XRCC5: variants seen among roughly 807,000 people sequenced by gnomAD.
XRCC5 encodes the protein X-ray repair cross complementing 5.
A neutral mutation model predicts 95.7 loss-of-function variants in XRCC5; 12 were observed. That is an observed-to-expected ratio of 0.13 (90% CI 0.08 to 0.20). XRCC5 has a LOEUF of 0.20. Among genes scored for constraint, XRCC5 ranks in the 10% least tolerant of loss-of-function variants. The pLI is 1.00. For synonymous variants in XRCC5, 281 were observed against 290.3 expected, an observed-to-expected ratio of 0.97 and a Z score of 0.33; for missense variants, 595 against 873.9, an observed-to-expected ratio of 0.68 and a Z score of 4.02.
chr2:216,193,988 T>C (rs1689667564), intron 18 of XRCC5, among the ~76,000 whole-genome samples: 1 of 152,222 alleles, frequency 6.6e-6, no homozygotes, highest in Non-Finnish European at 1.5e-5. Context: ...GTGAAGACCA[T>C]GTTTTCTTCC....
chr2:216,155,071 T>A (rs1574469354), intron 14 of XRCC5, among the ~76,000 whole-genome samples: 1 of 147,280 alleles, frequency 6.8e-6, no homozygotes, highest in Non-Finnish European at 1.5e-5. Flanking sequence ...ACAAAAAATA[T>A]AAAAATTAGC....
intron 16 of XRCC5, among the ~76,000 whole-genome samples, chr2:216,183,469 A>G (rs958637279): frequency 6.6e-6 from 1 of 152,222 alleles, no homozygotes; most frequent in African/African-American, 2.4e-5. Flanking sequence ...TGGAACTTAA[A>G]TGGTGAGGTT....
intron 16 of XRCC5, among the ~76,000 whole-genome samples, chr2:216,177,327 T>C (rs1559257718): frequency 2.0e-5 from 3 of 152,232 alleles, no homozygotes; most frequent in African/African-American, 4.8e-5. Flanking sequence ...CTTTATGATT[T>C]TGGTCTCACC....
At chr2:216,132,934 A>C (rs889748606) in intron 10 of XRCC5, among the ~76,000 whole-genome samples, 6 of 152,156 alleles carry the variant, frequency 3.9e-5, no homozygotes, top group Middle Eastern at 3.2e-3. Context: ...GGAGATACTG[A>C]TTTTAACTGG....
chr2:216,175,160 C>A, intron 16 of XRCC5: 1 of 342,308 alleles, frequency 2.9e-6, no homozygotes, highest in South Asian at 2.7e-5. Context: ...TATCCTGGTT[C>A]ACCATCTCCA....
chr2:216,193,283 C>T (rs528503871), intron 18 of XRCC5, among the ~76,000 whole-genome samples: 8 of 152,294 alleles, frequency 5.3e-5, no homozygotes, highest in East Asian at 1.9e-4. Context: ...CAGTGTTAGG[C>T]TTGATCTTTG....
chr2:216,150,551 A>ACC, intron 14 of XRCC5, among the ~76,000 whole-genome samples: 1 of 152,104 alleles, frequency 6.6e-6, no homozygotes, highest in East Asian at 1.9e-4. Flanking sequence ...CAAGGTACAA[A>ACC]CCCGTGCAGT....
chr2:216,113,309 TTC>T (rs1696627484), intron 2 of XRCC5, among the ~76,000 whole-genome samples, 180 bp downstream of exon 2: 1 of 152,214 alleles, frequency 6.6e-6, no homozygotes. Context: ...CTGATATTTT[TTC>T]TTCCCTCGTT....
At chr2:216,185,897 T>C (rs1019140580) in intron 16 of XRCC5, among the ~76,000 whole-genome samples, 1 of 152,186 alleles carries the variant, frequency 6.6e-6, no homozygotes, top group Non-Finnish European at 1.5e-5. Flanking sequence ...GGTGCTAGGG[T>C]TACAGGCGTG....
chr2:216,184,998 T>C, intron 16 of XRCC5, among the ~76,000 whole-genome samples: 1 of 152,196 alleles, frequency 6.6e-6, no homozygotes, highest in East Asian at 1.9e-4. Context: ...GCATGAGAGA[T>C]ACTGGTGGGA....
chr2:216,138,010 T>G (rs1697115677), intron 11 of XRCC5, 79 bp from the exon 12 acceptor site: 1 of 1,247,304 alleles, frequency 8.0e-7, no homozygotes, highest in Non-Finnish European at 1.1e-6. Flanking sequence ...TTATGCTACT[T>G]TCACAGAATT....
At chr2:216,175,135 C>T (rs1408373275) in intron 16 of XRCC5, 2 of 342,886 alleles carry the variant, frequency 5.8e-6, no homozygotes, top group African/African-American at 2.2e-5. Context: ...CCCATACCCG[C>T]CATTGTGGTT....
At chr2:216,143,303 G>GT (rs1032607563) in intron 13 of XRCC5, among the ~76,000 whole-genome samples, 4 of 152,302 alleles carry the variant, frequency 2.6e-5, no homozygotes, top group African/African-American at 7.2e-5. Context: ...ATCCTTTGGT[G>GT]TTTTTTTGGC....
At chr2:216,149,838 T>G (rs746433466) in intron 14 of XRCC5, among the ~76,000 whole-genome samples, 14 of 152,186 alleles carry the variant, frequency 9.2e-5, no homozygotes, top group Admixed American at 2.6e-4. Context: ...GTGCTGAGCT[T>G]CTTGTTCTTT....
intron 2 of XRCC5, among the ~76,000 whole-genome samples, chr2:216,113,472 C>A (rs6758833): frequency 5.6e-4 from 85 of 152,276 alleles, no homozygotes; most frequent in African/African-American, 2.0e-3. Flanking sequence ...TGAACAAGTC[C>A]CTCAACTTGT....
intron 16 of XRCC5, among the ~76,000 whole-genome samples, chr2:216,166,272 C>A (rs537795887): frequency 1.3e-5 from 2 of 152,270 alleles, no homozygotes; most frequent in South Asian, 4.1e-4. Context: ...CAGGCACACA[C>A]TACCACACCA....
At chr2:216,166,985 A>G (rs1173193110) in intron 16 of XRCC5, among the ~76,000 whole-genome samples, 1 of 152,194 alleles carries the variant, frequency 6.6e-6, no homozygotes, top group Non-Finnish European at 1.5e-5. Context: ...TGTTTTTGCC[A>G]CTGAGATTGT....
chr2:216,175,055 C>CAG (rs1348689119), intron 16 of XRCC5: 1 of 314,018 alleles, frequency 3.2e-6, no homozygotes, highest in Admixed American at 3.6e-5. Flanking sequence ...TTATAGTTCC[C>CAG]ACCACCACCA....
intron 18 of XRCC5, among the ~76,000 whole-genome samples, chr2:216,194,262 T>C (rs949245256): frequency 2.6e-4 from 40 of 152,236 alleles, no homozygotes; most frequent in African/African-American, 9.6e-4. Flanking sequence ...CAATATTATT[T>C]AAGTACCTAC....
Sources: gnomAD v4.1 joint callset for allele counts (sites outside exome capture counted in the v4.1 genomes callset) on GRCh38, gnomAD v4.1.1 for gene constraint, MANE v1.5 for transcripts, NCBI Gene and HGNC (gene_info 2026-07-23, HGNC 2026-07-21) for gene names.